The following CYBB variants were observed in gnomAD, a reference collection of about 807,000 sequenced individuals.
CYBB encodes the protein NADPH oxidase 2.
CYBB carries 5 observed loss-of-function variants against 46.5 expected under a neutral mutation model. The observed-to-expected ratio is 0.11, with a 90% CI of 0.06 to 0.23. CYBB has a LOEUF of 0.23. CYBB is among the 10% of genes least tolerant of loss of function. The pLI is 1.00. For missense variants in CYBB, 307 were observed against 428.3 expected (o/e 0.72, Z 2.50); for synonymous variants, 183 against 156.7 (o/e 1.17, Z -1.26).
chrX:37,799,526 G>A (rs1178162147), intron 7 of CYBB, among the ~76,000 whole-genome samples: 1 of 111,585 alleles, frequency 9.0e-6, no homozygotes, highest in East Asian at 2.8e-4. Flanking sequence ...AAAGGAAATT[G>A]ATGAGGTGGT....
At chrX:37,789,566 A>C (rs1929151368) in intron 3 of CYBB, among the ~76,000 whole-genome samples, 1 of 96,085 alleles carries the variant, frequency 1.0e-5, no homozygotes, top group African/African-American at 3.7e-5. Flanking sequence ...ATAAAGGAAC[A>C]TGGCAATTGG....
In CYBB at chrX:37,801,304, T is replaced by C. The variant is rs781983828; in HGVS notation, c.853T>C (p.Leu285=). ...GPMFLYLCER[L]VRFWRSQQKV... Reference sequence around the variant, plus strand: ...CATGTTTCTGTATCTCTGTGAGAGGTTGGTGCGGTTTTGGCGATCTCAACA... The same window carrying C: ...CATGTTTCTGTATCTCTGTGAGAGGCTGGTGCGGTTTTGGCGATCTCAACA... The change falls in exon 8 of 13, where the codon TTG becomes CTG. Residue 285 remains leucine (L), a synonymous_variant. Coordinates refer to ENST00000378588, the MANE Select transcript of CYBB (RefSeq NM_000397.4). 5.8e-6 allele frequency: 7 copies of C among 1,208,670 alleles called. No individual in the cohort carries two copies. Among genetic ancestry groups the C allele is most frequent in the Non-Finnish European group, 7.8e-6 (7 of 893,369 alleles).
chrX:37,786,865 A>G (rs1929079718), intron 3 of CYBB, among the ~76,000 whole-genome samples: 1 of 110,429 alleles, frequency 9.1e-6, no homozygotes, highest in Non-Finnish European at 1.9e-5. Context: ...ATCTTTAATC[A>G]CGTGGTCTAG....
In CYBB at chrX:37,804,147, T is replaced by C. The variant is rs1556470867; in HGVS notation, c.1151+17T>C. 40 of 1,207,218 alleles carry C rather than the reference T, an allele frequency of 3.3e-5. No individual in the cohort carries two copies. The highest frequency in any genetic ancestry group is 4.3e-5 in the Non-Finnish European group (38 of 891,814). On this transcript the variant is annotated intron_variant, in intron 9 of 12. Transcript: ENST00000378588. ...ACTACCTAAGTGAGTAAAAAGTACA[T>C]ATTACCAACGTATATGAGTTCAGGA...
intron 1 of CYBB, among the ~76,000 whole-genome samples, chrX:37,781,097 C>G (rs1024353133): frequency 4.5e-5 from 5 of 112,100 alleles, no homozygotes; most frequent in African/African-American, 1.6e-4. Flanking sequence ...ATGTTTACGC[C>G]AAACCAACAT....
At chrX:37,804,547 G>A (rs1929511725) in intron 9 of CYBB, among the ~76,000 whole-genome samples, 1 of 111,208 alleles carries the variant, frequency 9.0e-6, no homozygotes, top group East Asian at 2.8e-4. Context: ...CACTTAGTAG[G>A]TGCTAAAGAA....
Position 37,787,379 on chromosome X carries a change from A to C in CYBB, c.252+3779A>C, listed in dbSNP as rs1056908618. Among the ~76,000 whole-genome samples the C allele has an allele frequency of 4.5e-5, 5 of 112,044 alleles. No homozygotes were observed. The South Asian group carries it at 1.8e-3, about 41-fold the overall frequency. On this transcript the variant is annotated intron_variant, in intron 3 of 12. Transcript: ENST00000378588. ...AAAAGTAGAGCTTTTGAGTTTCTGT[A>C]AAGTGTTACACCCCATAAAATATGT...
At chrX:37,790,983 T>C (rs1159431439) in intron 3 of CYBB, among the ~76,000 whole-genome samples, 1 of 111,700 alleles carries the variant, frequency 9.0e-6, no homozygotes, top group East Asian at 2.8e-4. Flanking sequence ...TTTTTCTTTC[T>C]TTGAGCATTG....
chrX:37,806,522 G>A lies in CYBB; in HGVS notation c.1450G>A (p.Asp484Asn). 8.3e-7 allele frequency: 1 copy of A among 1,210,528 alleles called. No homozygotes were observed. Among genetic ancestry groups the A allele is most frequent in the Non-Finnish European group, 1.1e-6 (1 of 894,848 alleles). ...LSYNIYLTGW[D>N]ESQANHFAVH... ...CTACAACATCTACCTCACTGGCTGG[G>A]ATGAGTCTCAGGTAAGGACAAGACT... Residue 484 changes from aspartate (D) to asparagine (N), a missense_variant, in exon 11 of 13, where the codon GAT becomes AAT. Asp to Asn is a conservative substitution (Grantham distance 23). Coordinates refer to ENST00000378588, the MANE Select transcript of CYBB (RefSeq NM_000397.4).
At chrX:37,796,193 C>A in intron 6 of CYBB, 52 bp downstream of exon 6, 3 of 1,050,567 alleles carry the variant, frequency 2.9e-6, no homozygotes, top group East Asian at 3.0e-5. Flanking sequence ...AATTTCTAGG[C>A]AGGATGCTCC....
intron 6 of CYBB, 120 bp downstream of exon 6, chrX:37,796,261 G>C (rs1365518450): frequency 3.1e-6 from 2 of 636,351 alleles, no homozygotes; most frequent in Non-Finnish European, 5.2e-6. Context: ...CTAAGGGAAT[G>C]TGAGAGGATA....
At chrX:37,781,955 G>T in intron 1 of CYBB, 133 bp from the exon 2 acceptor site, 1 of 541,751 alleles carries the variant, frequency 1.8e-6, no homozygotes. Context: ...CTCTAAGCTG[G>T]TTATATCCAG....
chrX:37,784,451 T>C (rs1357468356), intron 3 of CYBB, among the ~76,000 whole-genome samples: 1 of 111,425 alleles, frequency 9.0e-6, no homozygotes, highest in Admixed American at 9.6e-5. Context: ...CTAAGAGGTG[T>C]AAAGGAGAGA....
intron 2 of CYBB, among the ~76,000 whole-genome samples, chrX:37,782,453 A>G (rs1339911112): frequency 1.8e-5 from 2 of 112,273 alleles, no homozygotes; most frequent in Non-Finnish European, 3.8e-5. Context: ...GAAATCTAAT[A>G]CTCACTCTGA....
At chrX:37,795,889 C>CGTGT (rs1569479385) in intron 5 of CYBB, 62 bp from the exon 6 acceptor site, 52 of 689,518 alleles carry the variant, frequency 7.5e-5, no homozygotes, top group Admixed American at 1.8e-4. Context: ...TGCTTGCGCA[C>CGTGT]ATGTGTGTGT....
chrX:37,796,043 C>T lies in CYBB; in HGVS notation c.576C>T (p.Ser192=), dbSNP rs1556468347. 8.3e-7 allele frequency: 1 copy of T among 1,206,539 alleles called. No homozygotes were observed. Among genetic ancestry groups the T allele is most frequent in the African/African-American group, 1.8e-5 (1 of 57,031 alleles). Residue 192 remains serine (S), a synonymous_variant, in exon 6 of 13, where the codon TCC becomes TCT. Transcript: ENST00000378588. ...ITLCLILIIT[S]STKTIRRSYF... Reference sequence around the variant, plus strand: ...TGTGCCTCATATTAATTATCACTTCCTCCACCAAAACCATCCGGAGGTCTT... The same window carrying T: ...TGTGCCTCATATTAATTATCACTTCTTCCACCAAAACCATCCGGAGGTCTT...
intron 5 of CYBB, among the ~76,000 whole-genome samples, chrX:37,795,043 A>T (rs938612502): frequency 2.4e-4 from 27 of 111,719 alleles, no homozygotes; most frequent in African/African-American, 7.8e-4. Context: ...TAACATAACT[A>T]GGTAAATCTA....
intron 9 of CYBB, among the ~76,000 whole-genome samples, chrX:37,804,356 A>T (rs1261025925): frequency 9.0e-6 from 1 of 111,601 alleles, no homozygotes; most frequent in Non-Finnish European, 1.9e-5. Context: ...AGAAATAAAT[A>T]CTCCCAAATT....
At chrX:37,801,626 G>GTT (rs1333268245) in intron 8 of CYBB, among the ~76,000 whole-genome samples, 8 of 108,097 alleles carry the variant, frequency 7.4e-5, no homozygotes, top group African/African-American at 2.7e-4. Context: ...GTGTGTGTGT[G>GTT]TGTTTGTGTC....
Sources: allele counts gnomAD v4.1 joint callset (sites outside exome capture counted in the v4.1 genomes callset), GRCh38; gene constraint gnomAD v4.1.1; transcripts MANE v1.5; gene names NCBI Gene and HGNC (gene_info 2026-07-23, HGNC 2026-07-21).